ALK: variants seen among roughly 807,000 people sequenced by gnomAD.
ALK encodes the protein ALK tyrosine kinase receptor.
In ALK, 74 loss-of-function variants were observed where a neutral mutation model predicts 163.1. The ratio of observed to expected loss-of-function variants is 0.45; its 90% confidence interval spans 0.38 to 0.55. ALK has a LOEUF of 0.55. ALK is among the 20% of genes least tolerant of loss of function. The pLI is 0.00. For synonymous variants in ALK, 960 were observed against 843.2 expected (o/e 1.14, Z -2.40); for missense variants, 2,063 against 2,105.3 (o/e 0.98, Z 0.39).
chr2:29,437,581 A>T (rs1670433332), intron 4 of ALK, among the ~76,000 whole-genome samples: 1 of 152,178 alleles, frequency 6.6e-6, no homozygotes, highest in African/African-American at 2.4e-5. Context: ...TACCAAATAC[A>T]GCTTTATCCT....
At chr2:29,660,124 C>A (rs539465886) in intron 3 of ALK, among the ~76,000 whole-genome samples, 25 of 152,300 alleles carry the variant, frequency 1.6e-4, no homozygotes, top group African/African-American at 6.0e-4. Context: ...AATGGGGGCA[C>A]CAAGAGTCTG....
chr2:29,437,715 C>A (rs1447859190), intron 4 of ALK, among the ~76,000 whole-genome samples: 1 of 152,186 alleles, frequency 6.6e-6, no homozygotes, highest in Non-Finnish European at 1.5e-5. Context: ...TCAAATTACC[C>A]AACAAAGCCC....
intron 23 of ALK, among the ~76,000 whole-genome samples, chr2:29,217,749 G>GTCA (rs1211544091): frequency 6.6e-6 from 1 of 152,146 alleles, no homozygotes; most frequent in African/African-American, 2.4e-5. Context: ...CACACAGTAG[G>GTCA]TCATCAGGGA....
intron 1 of ALK, among the ~76,000 whole-genome samples, chr2:29,837,794 A>C (rs199739168): frequency 6.6e-6 from 1 of 152,354 alleles, no homozygotes; most frequent in Admixed American, 6.5e-5. Flanking sequence ...AATGTCTAGC[A>C]TACAATCAAA....
chr2:29,758,721 C>A (rs1338510746), intron 1 of ALK, among the ~76,000 whole-genome samples: 2 of 152,166 alleles, frequency 1.3e-5, no homozygotes, highest in Non-Finnish European at 2.9e-5. Context: ...GCTTTTTTCT[C>A]TCATTCTTCT....
chr2:29,212,862 T>C (rs2924372), intron 24 of ALK, among the ~76,000 whole-genome samples: 142,668 of 152,132 alleles, frequency 0.94, 67,555 homozygotes, highest in Non-Finnish European at 1. Flanking sequence ...TCCCCCACCA[T>C]GCCTGGCTAA....
At chr2:29,848,899 G>C (rs1665918784) in intron 1 of ALK, among the ~76,000 whole-genome samples, 3 of 152,182 alleles carry the variant, frequency 2.0e-5, no homozygotes. Context: ...AGATTCTAGA[G>C]TGCGAAATAT....
chr2:29,276,443 C>A (rs1357802719), intron 9 of ALK, among the ~76,000 whole-genome samples: 1 of 152,180 alleles, frequency 6.6e-6, no homozygotes, highest in East Asian at 1.9e-4. Flanking sequence ...GCAGAGTCAG[C>A]TGGCCCTTTC....
At chr2:29,649,488 T>C (rs1415490328) in intron 3 of ALK, among the ~76,000 whole-genome samples, 4 of 152,186 alleles carry the variant, frequency 2.6e-5, no homozygotes. Context: ...GGCTGTTGCC[T>C]TGTAAACTTC....
At chr2:29,814,495 C>T (rs913385574) in intron 1 of ALK, among the ~76,000 whole-genome samples, 8 of 151,892 alleles carry the variant, frequency 5.3e-5, no homozygotes, top group African/African-American at 9.7e-5. Context: ...CCTGTCTCTA[C>T]TAAAAATACA....
intron 3 of ALK, among the ~76,000 whole-genome samples, chr2:29,580,124 T>C (rs1032657115): frequency 3.3e-5 from 5 of 152,198 alleles, no homozygotes; most frequent in African/African-American, 9.7e-5. Context: ...GTGTCGGTTT[T>C]ATGCATATGT....
At chr2:29,307,086 C>T (rs1407091031) in intron 8 of ALK, among the ~76,000 whole-genome samples, 1 of 152,260 alleles carries the variant, frequency 6.6e-6, no homozygotes, top group Admixed American at 6.5e-5. Context: ...GCCCATTCCT[C>T]CTCCAGAGGT....
At chr2:29,323,762 A>C (rs1263462956) in intron 6 of ALK, among the ~76,000 whole-genome samples, 1 of 152,206 alleles carries the variant, frequency 6.6e-6, no homozygotes, top group African/African-American at 2.4e-5. Flanking sequence ...GCTGAGCAAA[A>C]GGTTGGCCTG....
At chr2:29,691,441 C>T (rs1678393706) in intron 3 of ALK, among the ~76,000 whole-genome samples, 1 of 152,154 alleles carries the variant, frequency 6.6e-6, no homozygotes, top group Non-Finnish European at 1.5e-5. Context: ...GTTGTTCACA[C>T]CACCATCCTT....
intron 3 of ALK, among the ~76,000 whole-genome samples, chr2:29,572,215 T>A (rs999707108): frequency 6.6e-6 from 1 of 152,230 alleles, no homozygotes; most frequent in African/African-American, 2.4e-5. Context: ...GATTTGTTTA[T>A]CCTGAATTAG....
intron 5 of ALK, among the ~76,000 whole-genome samples, chr2:29,335,726 G>A (rs958983325): frequency 5.9e-5 from 9 of 152,096 alleles, no homozygotes; most frequent in Non-Finnish European, 1.5e-5. Context: ...TATCTCTGGA[G>A]GATAGACTCT....
At chr2:29,342,516 T>C (rs1573256833) in intron 5 of ALK, among the ~76,000 whole-genome samples, 1 of 152,222 alleles carries the variant, frequency 6.6e-6, no homozygotes, top group African/African-American at 2.4e-5. Context: ...GAAAATTGGT[T>C]GCACAGTAAT....
At chr2:29,728,223 C>T (rs1679630190) in intron 1 of ALK, among the ~76,000 whole-genome samples, 1 of 152,216 alleles carries the variant, frequency 6.6e-6, no homozygotes, top group African/African-American at 2.4e-5. Flanking sequence ...CCCCACAAAT[C>T]CCACAATTTT....
Position 29,920,232 on chromosome 2 carries a change from A to T in ALK, c.428T>A (p.Leu143Gln), listed in dbSNP as rs777656583. 1.9e-6 allele frequency: 3 copies of T among 1,611,596 alleles called. No homozygotes were observed. The African/African-American group carries it at 4.0e-5, about 22-fold the overall frequency. The change falls in exon 1 of 29, where the codon CTG becomes CAG. Residue 143 changes from leucine to glutamine, a missense_variant. By Grantham distance (113) the Leu-to-Gln change is moderately radical (BLOSUM62 -2). Around this residue, in one of 5 missense-constraint regions of ALK, gnomAD observed 987 missense variants for 939.5 expected, o/e 1.05. Transcript: ENST00000389048. ...RKLRRAKQLV[L>Q]ELGEEAILEG... is the part of the protein sequence containing the mutation. ...CAAGATCGCCTCCTCGCCCAGCTCC[A>T]GCACCAACTGCTTGGCACGCCGGAG... is the stretch of plus-strand genomic sequence containing the variant.
Sources: allele counts gnomAD v4.1 joint callset (sites outside exome capture counted in the v4.1 genomes callset), GRCh38; gene constraint gnomAD v4.1.1; regional missense constraint gnomAD v4.1.1; transcripts MANE v1.5; gene names NCBI Gene and HGNC (gene_info 2026-07-23, HGNC 2026-07-21).